B4GALT1: variants seen among roughly 807,000 people sequenced by gnomAD.
The protein encoded by B4GALT1 is N-acetyllactosamine synthase.
In B4GALT1, 16 loss-of-function variants were observed where a neutral mutation model predicts 34.9. That is an observed-to-expected ratio of 0.46 (90% confidence interval 0.31 to 0.70). The LOEUF (loss-of-function observed/expected upper bound fraction) is 0.70, where lower values mean the gene tolerates loss of function less well. Ranked by LOEUF, B4GALT1 falls within the 30% of genes least tolerant of loss-of-function variation. The pLI is 0.05. For synonymous variants in B4GALT1, 221 were observed against 218.1 expected (o/e 1.01, Z -0.12); for missense variants, 445 against 530.5 (o/e 0.84, Z 1.58).
In B4GALT1 at chr9:33,158,009, A is replaced by T. The variant is rs148336565; in HGVS notation, c.412+8749T>A. On this transcript the variant is annotated intron_variant, in intron 1 of 5. Coordinates refer to ENST00000379731, the MANE Select transcript of B4GALT1 (RefSeq NM_001497.4). ...ATTTCTACGGGTCATCCACCTGCTA[A>T]AATTTTTATGTCTGCTTAGACAGAC... Among the ~76,000 whole-genome samples, 432 of 152,304 alleles carry T rather than the reference A, an allele frequency of 2.8e-3. 3 individuals carry two copies. The highest frequency in any genetic ancestry group is 0.014 in the Middle Eastern group (4 of 294).
rs779966861 is a variant in B4GALT1 at position 33,167,149 on chromosome 9, G to A, written c.21C>T (p.Leu7=). The change falls in exon 1 of 6, where the codon CTC becomes CTT. Residue 7 remains leucine, a synonymous_variant. Coordinates refer to ENST00000379731, the MANE Select transcript of B4GALT1 (RefSeq NM_001497.4). The part of the protein sequence containing the change: MRLREP[L]LSGSAAMPGA... ...CTGGCATCGCGGCGCTGCCGCTCAGGAGCGGCTCCCGAAGCCTCATCTTCC... is the reference window on the plus strand; with the variant it reads ...CTGGCATCGCGGCGCTGCCGCTCAGAAGCGGCTCCCGAAGCCTCATCTTCC... 2 of 1,601,334 alleles carry A rather than the reference G, an allele frequency of 1.2e-6. No individual in the cohort carries two copies. Among genetic ancestry groups the A allele is most frequent in the Non-Finnish European group, 1.7e-6 (2 of 1,176,072 alleles).
chr9:33,151,813 T>C (rs1229155489), intron 1 of B4GALT1, among the ~76,000 whole-genome samples: 1 of 152,212 alleles, frequency 6.6e-6, no homozygotes, highest in Non-Finnish European at 1.5e-5. Context: ...AAAGGGTCCC[T>C]GGAGTATTAC....
chr9:33,113,900 T>C (rs1839902770), intron 4 of B4GALT1, 22 bp from the exon 5 acceptor site: 1 of 1,609,624 alleles, frequency 6.2e-7, no homozygotes, highest in Non-Finnish European at 8.5e-7. Flanking sequence ...AAAGGGAAAG[T>C]CATTATCACA....
intron 1 of B4GALT1, among the ~76,000 whole-genome samples, chr9:33,155,427 T>C (rs3780484): frequency 0.058 from 8,785 of 152,322 alleles, 288 homozygotes; most frequent in Non-Finnish European, 0.068. Context: ...ATCAAACATC[T>C]AATGCTCCCT....
At chr9:33,116,543 A>G (rs534098631) in intron 3 of B4GALT1, among the ~76,000 whole-genome samples, 1 of 35,914 alleles carries the variant, frequency 2.8e-5, no homozygotes. Flanking sequence ...TTTTTTTTGA[A>G]GGAGTCTCGC....
At chr9:33,171,779 T>C (rs1426257830), upstream of B4GALT1, among the ~76,000 whole-genome samples, 2 of 152,170 alleles carry the variant, frequency 1.3e-5, no homozygotes, top group Non-Finnish European at 2.9e-5. Context: ...AGTCTCGAAC[T>C]CCTGAGCTCA....
intron 1 of B4GALT1, 90 bp downstream of exon 1, chr9:33,166,668 A>G (rs1840759644): frequency 7.4e-7 from 1 of 1,351,058 alleles, no homozygotes; most frequent in Admixed American, 2.9e-5. Flanking sequence ...CTGTCGTAGA[A>G]GAGCCAGCCT....
the B4GALT1 span, among the ~76,000 whole-genome samples, chr9:33,184,100 A>G: frequency 6.6e-6 from 1 of 152,104 alleles, no homozygotes; most frequent in Non-Finnish European, 1.5e-5. Context: ...GCAAACCACC[A>G]CGGCACATGT....
At chr9:33,139,984 C>T (rs1278588480) in intron 1 of B4GALT1, among the ~76,000 whole-genome samples, 1 of 152,264 alleles carries the variant, frequency 6.6e-6, no homozygotes, top group African/African-American at 2.4e-5. Flanking sequence ...CCACGTGGGC[C>T]TCTCGGCTGG....
At chr9:33,128,630 A>G (rs138595965) in intron 2 of B4GALT1, among the ~76,000 whole-genome samples, 184 of 152,248 alleles carry the variant, frequency 1.2e-3, no homozygotes, top group Middle Eastern at 3.4e-3. Context: ...AAGGAAGGGG[A>G]GGCTACAGGA....
intron 2 of B4GALT1, among the ~76,000 whole-genome samples, chr9:33,134,957 A>T (rs758410787): frequency 2.0e-4 from 30 of 152,358 alleles, no homozygotes; most frequent in Non-Finnish European, 3.8e-4. Context: ...ACAAAAACAG[A>T]ACAACGAAAA....
the B4GALT1 span, chr9:33,179,295 T>C: frequency 2.0e-5 from 3 of 152,326 alleles, no homozygotes; most frequent in East Asian, 1.9e-4. Context: ...AGCTCACAAT[T>C]TGTAATAAAT....
rs1158651915 is a variant in B4GALT1, at chr9:33,112,710, C to G, written c.*744G>C. ...ATCAAGCTAGATCATAATTAGAACT[C>G]GATCTGTTCTTTCTTTAAAATACTA... On this transcript the variant is annotated 3_prime_UTR_variant, in exon 6 of 6. Transcript: ENST00000379731. The G allele has an allele frequency of 6.6e-6, 1 of 152,578 alleles. No homozygotes were observed. 9.5% of individuals were successfully genotyped at this position (152,578 alleles called of 1,614,324 possible).
chr9:33,108,539 C>G (rs1020437175), downstream of B4GALT1, among the ~76,000 whole-genome samples: 1 of 151,856 alleles, frequency 6.6e-6, no homozygotes, highest in Admixed American at 6.6e-5. Flanking sequence ...GAATAAGAGG[C>G]AGTGGCAGGA....
intron 1 of B4GALT1, among the ~76,000 whole-genome samples, chr9:33,157,853 G>T (rs531499953): frequency 3.3e-5 from 5 of 152,220 alleles, no homozygotes; most frequent in African/African-American, 1.2e-4. Context: ...GCTACTACCT[G>T]TATTTCATAA....
chr9:33,155,568 G>T (rs1487587932), intron 1 of B4GALT1, among the ~76,000 whole-genome samples: 1 of 152,182 alleles, frequency 6.6e-6, no homozygotes, highest in East Asian at 1.9e-4. Flanking sequence ...AACTGACACA[G>T]GGGAACACAC....
chr9:33,123,890 G>A (rs1007257807), intron 2 of B4GALT1, among the ~76,000 whole-genome samples: 3 of 152,154 alleles, frequency 2.0e-5, no homozygotes, highest in Non-Finnish European at 2.9e-5. Flanking sequence ...GTGGTGAGAT[G>A]CCCCAGTGTC....
intron 1 of B4GALT1, among the ~76,000 whole-genome samples, chr9:33,158,552 T>C (rs562335097): frequency 1.6e-4 from 24 of 152,338 alleles, no homozygotes; most frequent in African/African-American, 5.5e-4. Flanking sequence ...TAGTATTCTT[T>C]CCACATGACA....
chr9:33,179,409 A>G, the B4GALT1 span: 1 of 152,178 alleles, frequency 6.6e-6, no homozygotes, highest in South Asian at 2.1e-4. Flanking sequence ...CCCTAACTTC[A>G]TCCAGTGAGG....
Sources: allele counts gnomAD v4.1 joint callset (sites outside exome capture counted in the v4.1 genomes callset), GRCh38; gene constraint gnomAD v4.1.1; transcripts MANE v1.5; gene names NCBI Gene and HGNC (gene_info 2026-07-23, HGNC 2026-07-21).